Variants in SEPTIN10 observed in about 807,000 individuals in gnomAD.
SEPTIN10 encodes the protein septin 10.
A neutral mutation model predicts 54.8 loss-of-function variants in SEPTIN10; 66 were observed. The observed-to-expected ratio is 1.21, with a 90% CI of 0.99 to 1.48. The LOEUF is 1.48. Among genes scored for constraint, SEPTIN10 ranks in the 40% most tolerant of loss-of-function variants. The pLI is 0.00. For synonymous variants in SEPTIN10, 161 were observed against 181.0 expected (o/e 0.89, Z 0.89); for missense variants, 620 against 545.6 (o/e 1.14, Z -1.36).
At chr2:109,613,007 C>T (rs1699594981) in intron 1 of SEPTIN10, 1 of 488,998 alleles carries the variant, frequency 2.0e-6, no homozygotes, top group South Asian at 1.5e-5. Context: ...TTTGTTTACA[C>T]AGATGAAAAC....
chr2:109,580,328 T>C (rs1376452183), intron 4 of SEPTIN10, among the ~76,000 whole-genome samples: 2 of 141,082 alleles, frequency 1.4e-5, no homozygotes, highest in South Asian at 4.9e-4. Flanking sequence ...ATGAAAGAAG[T>C]CACAATTTCT....
At chr2:109,545,583 A>C (rs1680983713) in intron 10 of SEPTIN10, 1 of 1,534,246 alleles carries the variant, frequency 6.5e-7, no homozygotes, top group Non-Finnish European at 8.7e-7. Flanking sequence ...GTATCAGTAG[A>C]ATTTGTTCTA....
At chr2:109,591,614 T>C (rs1469275078) in intron 2 of SEPTIN10, among the ~76,000 whole-genome samples, 2 of 152,208 alleles carry the variant, frequency 1.3e-5, no homozygotes, top group African/African-American at 4.8e-5. Context: ...ACTGAATTAC[T>C]GGCCAGGTGT....
intron 1 of SEPTIN10, among the ~76,000 whole-genome samples, chr2:109,599,685 T>C (rs1157189727): frequency 3.3e-5 from 5 of 152,268 alleles, no homozygotes; most frequent in African/African-American, 1.2e-4. Context: ...TTCTACTTTT[T>C]AGTCTCAAAA....
intron 1 of SEPTIN10, among the ~76,000 whole-genome samples, chr2:109,604,489 G>A (rs563294216): frequency 7.3e-5 from 11 of 151,526 alleles, no homozygotes; most frequent in African/African-American, 2.2e-4. Flanking sequence ...CACTTTGGGA[G>A]GCCGAGGCGG....
intron 4 of SEPTIN10, among the ~76,000 whole-genome samples, chr2:109,581,702 G>A (rs906302544): frequency 1.3e-5 from 2 of 151,962 alleles, no homozygotes; most frequent in African/African-American, 4.8e-5. Flanking sequence ...CAACAAATAA[G>A]TTAATGAGAA....
At chr2:109,588,890 A>G (rs1693260401) in intron 2 of SEPTIN10, among the ~76,000 whole-genome samples, 1 of 151,656 alleles carries the variant, frequency 6.6e-6, no homozygotes, top group Non-Finnish European at 1.5e-5. Flanking sequence ...ATAGCTAATA[A>G]GCCAAAAGCA....
chr2:109,574,548 A>C (rs1689175437), intron 5 of SEPTIN10, 33 bp downstream of exon 5: 2 of 1,320,560 alleles, frequency 1.5e-6, no homozygotes, highest in East Asian at 2.6e-5. Flanking sequence ...TAAATATTAA[A>C]GTATGGTAAG....
chr2:109,577,633 G>A (rs1449061630), intron 4 of SEPTIN10, among the ~76,000 whole-genome samples: 19 of 150,650 alleles, frequency 1.3e-4, no homozygotes, highest in African/African-American at 3.4e-4. Context: ...GAGAGAACTC[G>A]GTCGGATAGT....
intron 9 of SEPTIN10, among the ~76,000 whole-genome samples, chr2:109,550,695 T>C: frequency 6.6e-6 from 1 of 152,184 alleles, no homozygotes; most frequent in East Asian, 1.9e-4. Flanking sequence ...CTAAACTCTG[T>C]GTGGTCCCTT....
chr2:109,544,578 G>A, intron 10 of SEPTIN10: 1 of 976,518 alleles, frequency 1.0e-6, no homozygotes, highest in Middle Eastern at 5.3e-4. Flanking sequence ...ATTTTTACAA[G>A]GTAAATGTAA....
intron 9 of SEPTIN10, chr2:109,552,450 A>ATT (rs1683206175): frequency 1.3e-5 from 2 of 152,384 alleles, no homozygotes; most frequent in African/African-American, 4.8e-5. Flanking sequence ...AACCTAGTCC[A>ATT]TTACAAGCCC....
intron 8 of SEPTIN10, 80 bp from the exon 9 acceptor site, chr2:109,553,299 C>A: frequency 6.9e-7 from 1 of 1,453,396 alleles, no homozygotes; most frequent in Non-Finnish European, 9.4e-7. Flanking sequence ...AATCCCAACA[C>A]TTTGGGAGGC....
chr2:109,563,751 TATG>T (rs1171191384), intron 8 of SEPTIN10, among the ~76,000 whole-genome samples: 2 of 152,210 alleles, frequency 1.3e-5, no homozygotes, highest in Non-Finnish European at 2.9e-5. Flanking sequence ...TCCTTTATAA[TATG>T]TTTTGCTAAG....
intron 8 of SEPTIN10, among the ~76,000 whole-genome samples, chr2:109,558,533 G>A (rs1232834252): frequency 6.6e-6 from 1 of 152,068 alleles, no homozygotes; most frequent in East Asian, 1.9e-4. Context: ...TTTTATAAAG[G>A]CATGTTTCCA....
intron 10 of SEPTIN10, chr2:109,545,230 G>A: frequency 2.0e-6 from 2 of 985,380 alleles, no homozygotes; most frequent in Non-Finnish European, 2.4e-6. Context: ...AATAGAACAA[G>A]GCATGATGAA....
chr2:109,549,728 CTA>C (rs1304520629), intron 9 of SEPTIN10, among the ~76,000 whole-genome samples: 7 of 152,090 alleles, frequency 4.6e-5, no homozygotes, highest in Non-Finnish European at 7.4e-5. Flanking sequence ...GTACCATACC[CTA>C]TGTTTTTTCC....
chr2:109,552,152 T>G (rs897509717), intron 9 of SEPTIN10, among the ~76,000 whole-genome samples: 5 of 152,150 alleles, frequency 3.3e-5, no homozygotes, highest in African/African-American at 1.2e-4. Flanking sequence ...GAGAATCTAA[T>G]GCCTGATGAT....
At chr2:109,580,349 C>CAAAAAAAAAAAAAAAACAAAAAAAAA in intron 4 of SEPTIN10, among the ~76,000 whole-genome samples, 1 of 135,922 alleles carries the variant, frequency 7.4e-6, no homozygotes. Context: ...CCATAAAATG[C>CAAAAAAAAAAAAAAAACAAAAAAAAA]AAAAAAAAAA....
Sources: allele counts gnomAD v4.1 joint callset (sites outside exome capture counted in the v4.1 genomes callset), GRCh38; gene constraint gnomAD v4.1.1; transcripts MANE v1.5; gene names NCBI Gene and HGNC (gene_info 2026-07-23, HGNC 2026-07-21).